Variants in NTRK3 observed in about 807,000 individuals in gnomAD.
NTRK3 encodes the protein neurotrophic receptor tyrosine kinase 3.
Under a neutral mutation model 91.7 loss-of-function variants are expected in NTRK3, and 24 were observed. The ratio of observed to expected loss-of-function variants is 0.26; its 90% CI spans 0.19 to 0.37. The LOEUF (loss-of-function observed/expected upper bound fraction) is 0.37, where lower values mean the gene tolerates loss of function less well. Among genes scored for constraint, NTRK3 ranks in the 10% least tolerant of loss-of-function variants. The probability of loss-of-function intolerance (pLI) is 1.00; values close to 1 mark genes in which losing one functional copy is unlikely to be tolerated. For missense variants in NTRK3, 880 were observed against 1,068.9 expected (o/e 0.82, Z 2.46); for synonymous variants, 483 against 404.0 (o/e 1.20, Z -2.34).
exon 10 of NTRK3, chr15:88,135,294 G>A (rs763220217): frequency 1.2e-6 from 2 of 1,614,210 alleles, no homozygotes; most frequent in African/African-American, 2.7e-5. Context: ...GCTGCCCATT[G>A]TGCAGCCAGT....
At chr15:87,907,132 TTAA>T (rs1483289295) in intron 17 of NTRK3, among the ~76,000 whole-genome samples, 1 of 152,242 alleles carries the variant, frequency 6.6e-6, no homozygotes, top group Non-Finnish European at 1.5e-5. Flanking sequence ...TTGAAATTAA[TTAA>T]TAAATTTGAC....
chr15:88,238,668 T>G (rs183718346), intron 3 of NTRK3, among the ~76,000 whole-genome samples: 1 of 152,250 alleles, frequency 6.6e-6, no homozygotes. Flanking sequence ...ACTTATTATA[T>G]TTTTCACCAG....
At chr15:87,883,808 T>G (rs2065381443) in intron 17 of NTRK3, among the ~76,000 whole-genome samples, 1 of 151,196 alleles carries the variant, frequency 6.6e-6, no homozygotes, top group Admixed American at 6.6e-5. Context: ...AATTAAATTA[T>G]TTGGTAAAGA....
intron 14 of NTRK3, among the ~76,000 whole-genome samples, chr15:88,009,429 G>A (rs1051172642): frequency 6.6e-6 from 1 of 152,160 alleles, no homozygotes; most frequent in South Asian, 2.1e-4. Context: ...CTGGAAAAAG[G>A]TCCACTGCTT....
chr15:88,244,715 T>C (rs919927273), intron 3 of NTRK3, among the ~76,000 whole-genome samples: 1 of 152,194 alleles, frequency 6.6e-6, no homozygotes, highest in Non-Finnish European at 1.5e-5. Context: ...GAGGCTCTCA[T>C]GAGTGGATTG....
At chr15:88,163,707 G>T (rs2044676028) in intron 5 of NTRK3, among the ~76,000 whole-genome samples, 1 of 152,186 alleles carries the variant, frequency 6.6e-6, no homozygotes, top group Non-Finnish European at 1.5e-5. Flanking sequence ...TTCTTTTTGA[G>T]ATAGTTCCAA....
At chr15:87,886,676 C>CTA (rs35011403) in intron 17 of NTRK3, among the ~76,000 whole-genome samples, 5,590 of 101,174 alleles carry the variant, frequency 0.055, 245 homozygotes, top group Non-Finnish European at 0.067. Context: ...CCACTTTTTG[C>CTA]TATATATATA....
intron 5 of NTRK3, among the ~76,000 whole-genome samples, chr15:88,182,364 TC>T (rs2046553592): frequency 6.6e-6 from 1 of 152,036 alleles, no homozygotes; most frequent in Non-Finnish European, 1.5e-5. Context: ...TTCCCCACCT[TC>T]CCTACCCTCC....
chr15:87,981,174 G>T, intron 14 of NTRK3: 1 of 1,551,966 alleles, frequency 6.4e-7, no homozygotes, highest in Non-Finnish European at 8.7e-7. Context: ...ACCAAAATTG[G>T]TTAGGGGAGG....
chr15:88,118,388 T>C (rs1177746719), intron 13 of NTRK3, among the ~76,000 whole-genome samples: 1 of 151,656 alleles, frequency 6.6e-6, no homozygotes, highest in African/African-American at 2.4e-5. Context: ...GAGGAGGGGG[T>C]CTGTTGGAGC....
chr15:88,150,738 C>T (rs1336488186), intron 5 of NTRK3, among the ~76,000 whole-genome samples: 4 of 152,138 alleles, frequency 2.6e-5, no homozygotes, highest in African/African-American at 9.7e-5. Context: ...GTAGAAGCAC[C>T]AAGCCCCAGA....
At chr15:88,004,464 G>C (rs925272240) in intron 14 of NTRK3, among the ~76,000 whole-genome samples, 3 of 152,164 alleles carry the variant, frequency 2.0e-5, no homozygotes, top group Non-Finnish European at 4.4e-5. Flanking sequence ...CTAGAAAAGA[G>C]ACTTGGGAGA....
At chr15:88,147,015 T>C (rs2042947137) in intron 6 of NTRK3, among the ~76,000 whole-genome samples, 3 of 152,192 alleles carry the variant, frequency 2.0e-5, no homozygotes, top group Admixed American at 1.3e-4. Flanking sequence ...TTATATATTA[T>C]GAATGTGATT....
At chr15:87,907,300 A>G (rs1424127998) in intron 17 of NTRK3, among the ~76,000 whole-genome samples, 1 of 152,178 alleles carries the variant, frequency 6.6e-6, no homozygotes, top group Non-Finnish European at 1.5e-5. Flanking sequence ...GCTGCCAAGC[A>G]TGTTTGTTCT....
At chr15:87,895,341 C>A (rs2066058601) in intron 17 of NTRK3, among the ~76,000 whole-genome samples, 1 of 152,166 alleles carries the variant, frequency 6.6e-6, no homozygotes, top group African/African-American at 2.4e-5. Context: ...ATGAAGTTTA[C>A]ATTTTGGTTC....
chr15:88,180,462 C>A (rs1302097699), intron 5 of NTRK3, among the ~76,000 whole-genome samples: 5 of 152,178 alleles, frequency 3.3e-5, no homozygotes, highest in African/African-American at 1.2e-4. Flanking sequence ...AATCTCCAGC[C>A]TACTGTACAG....
chr15:87,927,230 C>G (rs117857754), intron 17 of NTRK3: 1 of 152,230 alleles, frequency 6.6e-6, no homozygotes, highest in African/African-American at 2.4e-5. Flanking sequence ...TCTCTCACAA[C>G]GGTACATCAT....
intron 3 of NTRK3, among the ~76,000 whole-genome samples, chr15:88,231,352 A>G (rs760993415): frequency 2.6e-5 from 4 of 151,862 alleles, no homozygotes; most frequent in Non-Finnish European, 2.9e-5. Context: ...GAGCTATTGT[A>G]GTTGCCTCCT....
intron 9 of NTRK3, 49 bp downstream of exon 9, chr15:88,135,850 G>C: frequency 6.2e-7 from 1 of 1,608,876 alleles, no homozygotes; most frequent in Non-Finnish European, 8.5e-7. Context: ...AGCCTCCTAT[G>C]CCAGTTGCCC....
Sources: allele counts gnomAD v4.1 joint callset (sites outside exome capture counted in the v4.1 genomes callset), GRCh38; gene constraint gnomAD v4.1.1; transcripts MANE v1.5; gene names NCBI Gene and HGNC (gene_info 2026-07-23, HGNC 2026-07-21).